COLGALT2: variants seen among roughly 807,000 people sequenced by gnomAD.
COLGALT2 encodes collagen beta(1-O)galactosyltransferase 2, also known as procollagen galactosyltransferase 2.
COLGALT2 carries 49 observed loss-of-function variants against 73.4 expected under a neutral mutation model. The ratio of observed to expected loss-of-function variants is 0.67; its 90% CI spans 0.53 to 0.85. COLGALT2 has a LOEUF of 0.85. COLGALT2 is among the 40% of genes least tolerant of loss of function. COLGALT2 has a pLI of 0.00. For missense variants in COLGALT2, 722 were observed against 790.2 expected (o/e 0.91, Z 1.03); for synonymous variants, 295 against 307.6 (o/e 0.96, Z 0.43).
chr1:183,931,529 G>A (rs372621007), downstream of COLGALT2, among the ~76,000 whole-genome samples: 188 of 152,284 alleles, frequency 1.2e-3, 1 homozygote, highest in African/African-American at 4.3e-3. Flanking sequence ...TGCAGCGGGA[G>A]AAACTCCTAG....
chr1:183,979,914 AC>A (rs1169053964), intron 1 of COLGALT2, among the ~76,000 whole-genome samples: 1 of 152,088 alleles, frequency 6.6e-6, no homozygotes, highest in East Asian at 1.9e-4. Context: ...AATTATATAA[AC>A]AACATTCTCT....
At chr1:183,979,060 A>G (rs1671281071) in intron 1 of COLGALT2, among the ~76,000 whole-genome samples, 1 of 152,194 alleles carries the variant, frequency 6.6e-6, no homozygotes, top group Non-Finnish European at 1.5e-5. Flanking sequence ...CTCAAAATTT[A>G]AGGTATGTTC....
intron 5 of COLGALT2, among the ~76,000 whole-genome samples, chr1:183,964,906 G>A (rs1482979094): frequency 1.3e-5 from 2 of 152,168 alleles, no homozygotes; most frequent in African/African-American, 4.8e-5. Flanking sequence ...CCAAGCCTGT[G>A]ATTTGTTAAT....
chr1:183,987,151 C>A (rs1226382591), intron 1 of COLGALT2, among the ~76,000 whole-genome samples: 2 of 152,178 alleles, frequency 1.3e-5, no homozygotes, highest in Non-Finnish European at 2.9e-5. Context: ...CCTTGGAATT[C>A]CATGAAAATA....
At chr1:183,965,794 G>A (rs1052414091) in intron 5 of COLGALT2, among the ~76,000 whole-genome samples, 6 of 98,626 alleles carry the variant, frequency 6.1e-5, no homozygotes, top group Non-Finnish European at 8.6e-5. Flanking sequence ...TCCAAAGAAT[G>A]GCAAAGGAAA....
chr1:183,945,670 C>G (rs1670230739), intron 8 of COLGALT2, 106 bp from the exon 9 acceptor site: 1 of 1,323,554 alleles, frequency 7.6e-7, no homozygotes, highest in Non-Finnish European at 1.0e-6. Context: ...CCCACACAGA[C>G]AAAGACAGAG....
At position 183,936,003 on chromosome 1, in the gene COLGALT2, C is replaced by T. The variant is rs893439284; in HGVS notation, c.*2758G>A. 8 of 983,714 alleles carry T rather than the reference C, an allele frequency of 8.1e-6. No individual in the cohort carries two copies. The African/African-American group carries it at 1.4e-4, about 17-fold the overall frequency. 60.9% of individuals were successfully genotyped at this position (983,714 alleles called of 1,614,324 possible). A position where few individuals can be genotyped will look rare whatever the true frequency, so the allele number is the denominator to read the frequency against. ...AGGCCTGAATGAACCGCAAGCGGGG[C>T]CCATGCAGCGTGTCCTCTGCAAAGT... On this transcript the variant is annotated 3_prime_UTR_variant, in exon 12 of 12. Transcript: ENST00000361927.
chr1:183,989,893 T>A (rs1671586495), intron 1 of COLGALT2, among the ~76,000 whole-genome samples: 1 of 152,104 alleles, frequency 6.6e-6, no homozygotes, highest in African/African-American at 2.4e-5. Context: ...GTGAAGGAGC[T>A]TTCAAGAACA....
At chr1:184,021,364 C>T (rs1649176788) in intron 1 of COLGALT2, among the ~76,000 whole-genome samples, 1 of 152,076 alleles carries the variant, frequency 6.6e-6, no homozygotes, top group South Asian at 2.1e-4. Flanking sequence ...AATGTGGTAA[C>T]GTTGGGAGGT....
chr1:183,956,739 GC>G (rs774989454), intron 6 of COLGALT2, among the ~76,000 whole-genome samples: 1 of 151,674 alleles, frequency 6.6e-6, no homozygotes, highest in Non-Finnish European at 1.5e-5. Context: ...GACAAGTGTT[GC>G]AAAAAAAAAG....
Position 183,936,085 on chromosome 1 carries a change from T to C in COLGALT2, c.*2676A>G, listed in dbSNP as rs975893931. The C allele has an allele frequency of 2.7e-5, 27 of 985,582 alleles. No homozygotes were observed. The East Asian group carries it at 1.2e-3, about 46-fold the overall frequency. 61.1% of individuals were successfully genotyped at this position (985,582 alleles called of 1,614,324 possible). ...GCACTGCTGATGTCACGGTTGTCTG[T>C]CCAGAAGATCCCACGTTAGATCCCA... On this transcript the variant is annotated 3_prime_UTR_variant, in exon 12 of 12. Transcript: ENST00000361927.
At chr1:183,970,363 A>C (rs541765315) in intron 4 of COLGALT2, among the ~76,000 whole-genome samples, 1 of 152,296 alleles carries the variant, frequency 6.6e-6, no homozygotes, top group South Asian at 2.1e-4. Context: ...CACTGGAATG[A>C]GTGTTAAGTT....
At chr1:183,981,965 T>C (rs373681680) in intron 1 of COLGALT2, among the ~76,000 whole-genome samples, 3 of 152,304 alleles carry the variant, frequency 2.0e-5, no homozygotes, top group East Asian at 3.9e-4. Context: ...GTAAGTAATA[T>C]TTGAAAATAT....
intron 4 of COLGALT2, among the ~76,000 whole-genome samples, chr1:183,970,656 T>C (rs1572646879): frequency 1.3e-5 from 2 of 152,328 alleles, no homozygotes; most frequent in Non-Finnish European, 2.9e-5. Flanking sequence ...CCGTTTGATC[T>C]TAGTCCATGC....
chr1:183,973,785 G>C, intron 3 of COLGALT2, 35 bp from the exon 4 acceptor site: 1 of 1,594,788 alleles, frequency 6.3e-7, no homozygotes. Context: ...AGGTGAAAAG[G>C]TACTTTTCAG....
At chr1:184,020,816 A>C (rs1455498464) in intron 1 of COLGALT2, among the ~76,000 whole-genome samples, 1 of 152,132 alleles carries the variant, frequency 6.6e-6, no homozygotes, top group African/African-American at 2.4e-5. Flanking sequence ...CTTAGATTGT[A>C]TGGGTCAAGC....
rs533528589 is a variant in COLGALT2, at chr1:183,945,337, C to T, written c.1269+95G>A. On this transcript the variant is annotated intron_variant, in intron 9 of 11. Coordinates refer to ENST00000361927, the MANE Select transcript of COLGALT2 (RefSeq NM_015101.4). ...CTCATGCACATTTCCAGAACAGTTG[C>T]GGGCTCACTTTACATCTGGCCCTAA... 1.0e-4 allele frequency: 142 copies of T among 1,398,354 alleles called. 1 individual carries two copies. In the East Asian group the frequency reaches 1.8e-3, roughly 18 times the overall value. The allele number at this position is 1,398,354 out of a possible 1,614,324, so 86.6% of individuals were successfully genotyped here. A position where few individuals can be genotyped will look rare whatever the true frequency, so the allele number is the denominator to read the frequency against.
chr1:183,958,711 T>C (rs1670617389), intron 6 of COLGALT2, among the ~76,000 whole-genome samples: 1 of 149,290 alleles, frequency 6.7e-6, no homozygotes, highest in Non-Finnish European at 1.5e-5. Context: ...CTATCTAGTA[T>C]AGCCTCTGCA....
intron 6 of COLGALT2, among the ~76,000 whole-genome samples, chr1:183,955,146 T>C (rs1307489122): frequency 6.6e-6 from 1 of 152,204 alleles, no homozygotes; most frequent in African/African-American, 2.4e-5. Context: ...TCGGATGATC[T>C]GGGTCCAAAC....
Sources: gnomAD v4.1 joint callset for allele counts (sites outside exome capture counted in the v4.1 genomes callset) on GRCh38, gnomAD v4.1.1 for gene constraint, MANE v1.5 for transcripts, NCBI Gene and HGNC (gene_info 2026-07-23, HGNC 2026-07-21) for gene names.